LDLRAD4: variants seen among roughly 807,000 people sequenced by gnomAD.
LDLRAD4 encodes the protein low density lipoprotein receptor class A domain containing 4.
Under a neutral mutation model 17.0 loss-of-function variants are expected in LDLRAD4, and 5 were observed. The observed-to-expected ratio is 0.29, with a 90% confidence interval of 0.15 to 0.62. LDLRAD4 has a LOEUF of 0.62. LDLRAD4 is among the 20% of genes least tolerant of loss of function. The pLI, the probability that LDLRAD4 is intolerant of heterozygous loss-of-function variation, is 0.84. For synonymous variants in LDLRAD4, 168 were observed against 171.8 expected (o/e 0.98, Z 0.17); for missense variants, 340 against 424.7 (o/e 0.80, Z 1.75).
intron 1 of LDLRAD4, among the ~76,000 whole-genome samples, chr18:13,374,898 CTG>C (rs1046531570): frequency 4.6e-5 from 7 of 152,212 alleles, no homozygotes; most frequent in African/African-American, 1.7e-4. Context: ...GGCCCTGGAC[CTG>C]TGTGTAGGTG....
At chr18:13,446,793 A>G (rs926138750) in intron 3 of LDLRAD4, among the ~76,000 whole-genome samples, 3 of 152,256 alleles carry the variant, frequency 2.0e-5, no homozygotes, top group Non-Finnish European at 4.4e-5. Flanking sequence ...CGCCTCAGCC[A>G]CATGTGGGCT....
At chr18:13,530,648 G>A (rs1168136211) in intron 3 of LDLRAD4, among the ~76,000 whole-genome samples, 1 of 152,230 alleles carries the variant, frequency 6.6e-6, no homozygotes, top group African/African-American at 2.4e-5. Context: ...TGCCCACTGA[G>A]TGAGTGCTCT....
intron 1 of LDLRAD4, among the ~76,000 whole-genome samples, chr18:13,278,936 A>C (rs562002738): frequency 6.6e-6 from 1 of 152,370 alleles, no homozygotes; most frequent in Admixed American, 6.5e-5. Context: ...TGTTGGCAGC[A>C]GAGGAGGCAC....
intron 3 of LDLRAD4, chr18:13,562,987 G>A (rs2094557334): frequency 1.3e-5 from 2 of 152,226 alleles, no homozygotes; most frequent in African/African-American, 4.8e-5. Context: ...ATATAGAGAC[G>A]GTTGTCGCCT....
chr18:13,281,957 A>G (rs1280958590), intron 1 of LDLRAD4, among the ~76,000 whole-genome samples: 4 of 152,188 alleles, frequency 2.6e-5, no homozygotes, highest in Non-Finnish European at 5.9e-5. Flanking sequence ...ACAGTTTTGC[A>G]TGGCTGGGGA....
chr18:13,492,875 A>G (rs1007799021), intron 3 of LDLRAD4, among the ~76,000 whole-genome samples: 1 of 152,178 alleles, frequency 6.6e-6, no homozygotes, highest in African/African-American at 2.4e-5. Context: ...CACACCTGTA[A>G]TCCTAGCACT....
At chr18:13,345,565 A>C (rs2082631384) in intron 1 of LDLRAD4, among the ~76,000 whole-genome samples, 1 of 152,158 alleles carries the variant, frequency 6.6e-6, no homozygotes, top group Non-Finnish European at 1.5e-5. Context: ...TGTCTGTGCC[A>C]GGCTTTGGTA....
rs749166393 is a variant in LDLRAD4 at position 13,367,623 on chromosome 18, A to G, written c.-382-19718A>G. Among the ~76,000 whole-genome samples the G allele has an allele frequency of 2.0e-5, 3 of 152,192 alleles. No homozygotes were observed. The highest frequency in any genetic ancestry group is 2.9e-5 in the Non-Finnish European group (2 of 68,030). On this transcript the variant is annotated intron_variant, in intron 1 of 5. Coordinates refer to ENST00000359446, the Ensembl canonical transcript of LDLRAD4. The surrounding 1 kb of genome is among the most constrained non-coding windows in gnomAD (Gnocchi z 4.1). Reference sequence around the variant, plus strand: ...CACTCAGTGGCTGAGAGGGTGGGCAAGCAGCTGCAGGGCCAGGTAGCCCCA... The same window carrying G: ...CACTCAGTGGCTGAGAGGGTGGGCAGGCAGCTGCAGGGCCAGGTAGCCCCA...
At position 13,272,879 on chromosome 18, in the gene LDLRAD4, T is replaced by C. The variant is rs555411880; in HGVS notation, c.-466-5226T>C. ...AGTGCAGATTCCTGGTGCTGGCCGA[T>C]GAGGCCCTAGGAAAGACGCACCTAT... On this transcript the variant is annotated intron_variant, in intron 1 of 5. Transcript: ENST00000399848. 2.6e-5 allele frequency among the ~76,000 whole-genome samples: 4 copies of C among 152,330 alleles called. No homozygotes were observed. The South Asian group carries it at 6.2e-4, about 24-fold the overall frequency.
At chr18:13,600,464 GACCAGCATCC>G in intron 3 of LDLRAD4, among the ~76,000 whole-genome samples, 1 of 152,204 alleles carries the variant, frequency 6.6e-6, no homozygotes, top group South Asian at 2.1e-4. Context: ...TGGGTCTCCT[GACCAGCATCC>G]AACTGCATCA....
At chr18:13,544,651 G>A (rs532568783) in intron 3 of LDLRAD4, among the ~76,000 whole-genome samples, 2 of 152,314 alleles carry the variant, frequency 1.3e-5, no homozygotes, top group East Asian at 3.9e-4. Flanking sequence ...TCTTAAGTAG[G>A]CTAGAATGGA....
chr18:13,452,366 A>AG (rs1213122729), intron 3 of LDLRAD4, among the ~76,000 whole-genome samples: 3 of 151,860 alleles, frequency 2.0e-5, no homozygotes, highest in Non-Finnish European at 4.4e-5. Context: ...GGTGCCGTGG[A>AG]GGGGGGCGAG....
chr18:13,613,715 C>T (rs561924628), intron 3 of LDLRAD4: 3 of 152,180 alleles, frequency 2.0e-5, no homozygotes, highest in Non-Finnish European at 4.4e-5. Flanking sequence ...GCTGGACGGG[C>T]TCGTGGAGTC....
chr18:13,531,669 G>T (rs2094129950), intron 3 of LDLRAD4, among the ~76,000 whole-genome samples: 2 of 151,010 alleles, frequency 1.3e-5, no homozygotes, highest in African/African-American at 4.9e-5. Flanking sequence ...CTGGTCTGAG[G>T]TAGGAGGAAG....
At chr18:13,349,060 C>T (rs374006778) in intron 1 of LDLRAD4, among the ~76,000 whole-genome samples, 25 of 152,326 alleles carry the variant, frequency 1.6e-4, no homozygotes, top group Admixed American at 3.9e-4. Context: ...GGCTCACGCT[C>T]GGTGCGCTGC....
chr18:13,341,855 G>A (rs1452603176), intron 1 of LDLRAD4, among the ~76,000 whole-genome samples: 2 of 152,044 alleles, frequency 1.3e-5, no homozygotes, highest in Non-Finnish European at 2.9e-5. Context: ...TGAGTTTAAT[G>A]TTAGTTGTGG....
chr18:13,259,617 T>C (rs1330011351), intron 1 of LDLRAD4, among the ~76,000 whole-genome samples: 1 of 152,200 alleles, frequency 6.6e-6, no homozygotes, highest in African/African-American at 2.4e-5. Flanking sequence ...CATACATTGG[T>C]ATGTGGTTTT....
intron 3 of LDLRAD4, among the ~76,000 whole-genome samples, chr18:13,463,086 GA>G (rs2092489499): frequency 6.6e-6 from 1 of 152,156 alleles, no homozygotes; most frequent in Non-Finnish European, 1.5e-5. Flanking sequence ...GAATCTCCAC[GA>G]AACAATTGGT....
chr18:13,348,972 C>A (rs1395502770), intron 1 of LDLRAD4, among the ~76,000 whole-genome samples: 1 of 152,214 alleles, frequency 6.6e-6, no homozygotes, highest in Non-Finnish European at 1.5e-5. Context: ...TGCCATCTGT[C>A]ACCCCTTTCC....
Sources: gnomAD v4.1 joint callset for allele counts (sites outside exome capture counted in the v4.1 genomes callset) on GRCh38, gnomAD v4.1.1 for gene constraint, Gnocchi (gnomAD v3.1) non-coding constraint, MANE v1.5 for transcripts, NCBI Gene and HGNC (gene_info 2026-07-23, HGNC 2026-07-21) for gene names.